Variants in PLD5 observed in about 807,000 individuals in gnomAD.
PLD5 encodes inactive phospholipase D5.
PLD5 carries 36 observed loss-of-function variants against 61.1 expected under a neutral mutation model. The ratio of observed to expected loss-of-function variants is 0.59; its 90% CI spans 0.45 to 0.78. The LOEUF (loss-of-function observed/expected upper bound fraction) is 0.78, where lower values mean the gene tolerates loss of function less well. Ranked by LOEUF, PLD5 falls within the 30% of genes least tolerant of loss-of-function variation. The pLI is 0.00. For synonymous variants in PLD5, 243 were observed against 242.8 expected (o/e 1.00, Z -0.01); for missense variants, 515 against 644.4 (o/e 0.80, Z 2.17).
the PLD5 span, among the ~76,000 whole-genome samples, chr1:242,529,827 T>C: frequency 6.0e-5 from 5 of 82,884 alleles, no homozygotes; most frequent in African/African-American, 2.4e-4. Context: ...TCCTTCCTTC[T>C]TCTTCTCTCC....
chr1:242,490,856 A>C (rs978769490), intron 1 of PLD5, among the ~76,000 whole-genome samples: 1 of 136,504 alleles, frequency 7.3e-6, no homozygotes, highest in Non-Finnish European at 1.7e-5. Context: ...AATTTGGAGG[A>C]GCGCCTTAGG....
chr1:242,512,887 T>C (rs188784577), intron 1 of PLD5, among the ~76,000 whole-genome samples: 125 of 152,072 alleles, frequency 8.2e-4, no homozygotes, highest in African/African-American at 2.9e-3. Context: ...TTTTTTTTTT[T>C]TGGAGACAGG....
At chr1:242,275,322 T>C (rs1173332185) in intron 3 of PLD5, among the ~76,000 whole-genome samples, 7 of 152,078 alleles carry the variant, frequency 4.6e-5, no homozygotes, top group Non-Finnish European at 8.8e-5. Context: ...ATTAGTTTAA[T>C]CAATTAGTTA....
rs1558528368 is a variant in PLD5, at chr1:242,395,064, T to TATATGA, written c.190-46823_190-46822insTCATAT. On this transcript the variant is annotated intron_variant, in intron 1 of 9. Transcript: ENST00000536534. Reference sequence around the variant, plus strand: ...ATATGTATATATGAATATATATGTATATATATGAATATATATGTATATATA... The same window carrying TATATGA: ...ATATGTATATATGAATATATATGTATATATGAATATATGAATATATATGTATATATA... 2.8e-3 allele frequency among the ~76,000 whole-genome samples: 85 copies of TATATGA among 30,650 alleles called. 9 individuals carry two copies. Among genetic ancestry groups the TATATGA allele is most frequent in the African/African-American group, 5.1e-3 (30 of 5,826 alleles). The allele number at this position is 30,650 out of a possible 152,430, so 20.1% of individuals were successfully genotyped here. A position where few individuals can be genotyped will look rare whatever the true frequency, so the allele number is the denominator to read the frequency against.
At chr1:242,383,300 C>T (rs375616265) in intron 1 of PLD5, among the ~76,000 whole-genome samples, 12 of 152,034 alleles carry the variant, frequency 7.9e-5, no homozygotes, top group African/African-American at 2.4e-4. Flanking sequence ...CAAAGTGTAA[C>T]GATGACATCT....
At chr1:242,111,181 C>T (rs1342019517) in intron 7 of PLD5, among the ~76,000 whole-genome samples, 2 of 151,898 alleles carry the variant, frequency 1.3e-5, no homozygotes, top group Admixed American at 6.6e-5. Flanking sequence ...CTCAGCCTCC[C>T]GAGTAGCTGG....
chr1:242,249,172 T>C (rs1431790541), intron 4 of PLD5, among the ~76,000 whole-genome samples: 2 of 152,142 alleles, frequency 1.3e-5, no homozygotes, highest in African/African-American at 4.8e-5. Flanking sequence ...GGCCCCACTG[T>C]TGGTGGGGCC....
chr1:242,351,429 A>G (rs1159184814), intron 1 of PLD5, among the ~76,000 whole-genome samples: 2 of 152,200 alleles, frequency 1.3e-5, no homozygotes, highest in Non-Finnish European at 2.9e-5. Context: ...AGGTAATTGA[A>G]TCATGGGGGT....
At chr1:242,122,039 G>T (rs1011278122) in intron 6 of PLD5, among the ~76,000 whole-genome samples, 14 of 152,016 alleles carry the variant, frequency 9.2e-5, no homozygotes, top group Non-Finnish European at 1.3e-4. Context: ...TGTATACATA[G>T]GTAACAAACC....
rs531569664 is a variant in PLD5 at position 242,355,198 on chromosome 1, G to A, written c.190-6956C>T. Among the ~76,000 whole-genome samples the A allele has an allele frequency of 3.4e-3, 513 of 152,284 alleles. 4 individuals are homozygous for A. Among genetic ancestry groups the A allele is most frequent in the African/African-American group, 0.012 (483 of 41,558 alleles). On this transcript the variant is annotated intron_variant, in intron 1 of 9. Coordinates refer to ENST00000536534, the MANE Select transcript of PLD5 (RefSeq NM_001372062.1). ...TTTTAGAAAAGTCAGTGGGGAATTGGTAATAGTTCTTTAAATGTTTGGCAG... is the reference window on the plus strand; with the variant it reads ...TTTTAGAAAAGTCAGTGGGGAATTGATAATAGTTCTTTAAATGTTTGGCAG...
At chr1:242,150,703 C>A (rs544529951) in intron 5 of PLD5, among the ~76,000 whole-genome samples, 2 of 151,802 alleles carry the variant, frequency 1.3e-5, no homozygotes, top group South Asian at 4.1e-4. Context: ...TTTAAAGTGG[C>A]TTTTTTGTGG....
intron 1 of PLD5, among the ~76,000 whole-genome samples, chr1:242,377,837 G>C (rs1662052710): frequency 6.6e-6 from 1 of 152,032 alleles, no homozygotes; most frequent in Admixed American, 6.6e-5. Flanking sequence ...ACACTATTAG[G>C]ACAGCCAGTA....
At chr1:242,391,148 T>C (rs181505409) in intron 1 of PLD5, among the ~76,000 whole-genome samples, 59 of 152,222 alleles carry the variant, frequency 3.9e-4, no homozygotes, top group African/African-American at 1.3e-3. Context: ...TGAGCCGAGA[T>C]TGCACCACTG....
intron 1 of PLD5, among the ~76,000 whole-genome samples, chr1:242,465,961 A>G (rs533208804): frequency 6.6e-6 from 1 of 152,282 alleles, no homozygotes; most frequent in African/African-American, 2.4e-5. Flanking sequence ...TGCCAGGCAC[A>G]TCCTTACCCA....
At chr1:242,174,545 C>T (rs1666988241) in intron 5 of PLD5, among the ~76,000 whole-genome samples, 1 of 152,180 alleles carries the variant, frequency 6.6e-6, no homozygotes, top group Admixed American at 6.6e-5. Context: ...CATCCCATTA[C>T]TGGGTATGTA....
chr1:242,470,164 A>AC (rs1222492441), intron 1 of PLD5, among the ~76,000 whole-genome samples: 1 of 151,748 alleles, frequency 6.6e-6, no homozygotes, highest in African/African-American at 2.4e-5. Context: ...ACACAGTTAA[A>AC]CCCCGTCTCT....
At chr1:242,343,237 G>C (rs1343974570) in intron 2 of PLD5, among the ~76,000 whole-genome samples, 1 of 151,878 alleles carries the variant, frequency 6.6e-6, no homozygotes, top group Non-Finnish European at 1.5e-5. Context: ...CACACACAGA[G>C]GGAGTTTAAC....
chr1:242,359,015 A>T (rs1367602230), intron 1 of PLD5, among the ~76,000 whole-genome samples: 1 of 152,204 alleles, frequency 6.6e-6, no homozygotes, highest in Non-Finnish European at 1.5e-5. Context: ...ATTCAAGCCT[A>T]GTAGTCCTTC....
rs898204589 is a variant in PLD5 at position 242,256,962 on chromosome 1, ATATC to A, written c.607+8371_607+8374del. Reference sequence around the variant, plus strand: ...TATCTCTACCTACTGTCTTCTATCTATATCTATCTACCTACCTACCTACCTTCTT... The same window carrying A: ...TATCTCTACCTACTGTCTTCTATCTATATCTACCTACCTACCTACCTTCTT... On this transcript the variant is annotated intron_variant, in intron 4 of 9. Transcript: ENST00000536534. The surrounding 1 kb of genome is among the most constrained non-coding windows in gnomAD (Gnocchi z 5.7). Among the ~76,000 whole-genome samples, 10 of 150,682 alleles carry A rather than the reference ATATC, an allele frequency of 6.6e-5. No individual in the cohort carries two copies. The highest frequency in any genetic ancestry group is 5.9e-5 in the Non-Finnish European group (4 of 67,792).
Sources: gnomAD v4.1 joint callset for allele counts (sites outside exome capture counted in the v4.1 genomes callset) on GRCh38, gnomAD v4.1.1 for gene constraint, Gnocchi (gnomAD v3.1) non-coding constraint, MANE v1.5 for transcripts, NCBI Gene and HGNC (gene_info 2026-07-23, HGNC 2026-07-21) for gene names.